The following MNAT1 variants were observed in gnomAD, a reference collection of about 807,000 sequenced individuals.
MNAT1 encodes CDK-activating kinase assembly factor MAT1.
Under a neutral mutation model 42.0 loss-of-function variants are expected in MNAT1, and 43 were observed. That is an observed-to-expected ratio of 1.02 (90% CI 0.80 to 1.32). The LOEUF (loss-of-function observed/expected upper bound fraction) is 1.32. MNAT1 is among the 40% of genes most tolerant of loss of function. The pLI is 0.00. For synonymous variants in MNAT1, 118 were observed against 120.0 expected, an observed-to-expected ratio of 0.98 and a Z score of 0.11; for missense variants, 306 against 350.4, an observed-to-expected ratio of 0.87 and a Z score of 1.01.
At chr14:60,911,395 A>G (rs552955691) in intron 7 of MNAT1, among the ~76,000 whole-genome samples, 2 of 151,918 alleles carry the variant, frequency 1.3e-5, no homozygotes, top group African/African-American at 4.8e-5. Flanking sequence ...TTGCTTCTCT[A>G]GTTCTTTTAA....
At chr14:60,900,048 A>ATCTCTCTCTCTCTCTCTCTCTC (rs61149455) in intron 7 of MNAT1, among the ~76,000 whole-genome samples, 1 of 136,320 alleles carries the variant, frequency 7.3e-6, no homozygotes, top group African/African-American at 2.8e-5. Context: ...CTGTTTCCCC[A>ATCTCTCTCTCTCTCTCTCTCTC]TCTCTCTCTC....
chr14:60,830,378 T>G (rs889907456), intron 6 of MNAT1, among the ~76,000 whole-genome samples: 3 of 152,190 alleles, frequency 2.0e-5, no homozygotes, highest in African/African-American at 7.2e-5. Flanking sequence ...GTGTTAGAGC[T>G]TTTTACTAGT....
At chr14:60,857,189 CAA>C (rs1401997466) in intron 6 of MNAT1, among the ~76,000 whole-genome samples, 2 of 152,192 alleles carry the variant, frequency 1.3e-5, no homozygotes, top group African/African-American at 2.4e-5. Context: ...TCTGATCACT[CAA>C]GAGCTCTGAC....
At chr14:60,862,737 A>G (rs115397484) in intron 6 of MNAT1, among the ~76,000 whole-genome samples, 1 of 152,320 alleles carries the variant, frequency 6.6e-6, no homozygotes, top group Admixed American at 6.5e-5. Flanking sequence ...ATCTTTATCT[A>G]CATATGTTAA....
intron 5 of MNAT1, 117 bp from the exon 6 acceptor site, chr14:60,818,603 ATG>A: frequency 1.2e-6 from 1 of 801,192 alleles, no homozygotes; most frequent in East Asian, 2.8e-5. Flanking sequence ...GTCCTCCATA[ATG>A]TGAATATTTA....
intron 6 of MNAT1, among the ~76,000 whole-genome samples, chr14:60,872,003 G>T (rs2139450800): frequency 1.3e-5 from 2 of 152,206 alleles, no homozygotes; most frequent in East Asian, 3.9e-4. Context: ...CTTCTGGTCT[G>T]CATTTTGTCT....
In MNAT1 at chr14:60,869,344, A is replaced by G. The variant is rs914789382; in HGVS notation, c.688-10370A>G. Among the ~76,000 whole-genome samples, 2 of 151,794 alleles carry G rather than the reference A, an allele frequency of 1.3e-5. 1 individual carries two copies. The highest frequency in any genetic ancestry group is 1.3e-4 in the Admixed American group (2 of 15,214). On this transcript the variant is annotated intron_variant, in intron 6 of 7. Transcript: ENST00000261245. ...GCGTGAGCCACTGCACCTGGCCTAT[A>G]TTGTTATATTTTTATATTATTCGTT...
At chr14:60,742,113 TCTCA>T (rs1329815672) in intron 1 of MNAT1, among the ~76,000 whole-genome samples, 2 of 152,114 alleles carry the variant, frequency 1.3e-5, no homozygotes, top group Non-Finnish European at 2.9e-5. Flanking sequence ...AGAGACAGGA[TCTCA>T]CTCTATCACC....
Position 60,871,268 on chromosome 14 carries a change from T to C in MNAT1, c.688-8446T>C, listed in dbSNP as rs138304112. Among the ~76,000 whole-genome samples, 20 of 152,336 alleles carry C rather than the reference T, an allele frequency of 1.3e-4. No individual in the cohort carries two copies. The East Asian group carries it at 3.7e-3, about 28-fold the overall frequency. On this transcript the variant is annotated intron_variant, in intron 6 of 7. Transcript: ENST00000261245. Reference sequence around the variant, plus strand: ...GAACATTCATGTACAAGTCTTTGTGTGGTCATATGTTTTCATTTCTCCTGG... The same window carrying C: ...GAACATTCATGTACAAGTCTTTGTGCGGTCATATGTTTTCATTTCTCCTGG...
At chr14:60,764,618 T>C (rs1166397237) in intron 1 of MNAT1, among the ~76,000 whole-genome samples, 3 of 152,218 alleles carry the variant, frequency 2.0e-5, no homozygotes, top group Non-Finnish European at 4.4e-5. Context: ...ATTCTGTGGC[T>C]GTGAGGGTAA....
intron 6 of MNAT1, among the ~76,000 whole-genome samples, chr14:60,850,117 G>T (rs1383684404): frequency 6.6e-6 from 1 of 152,152 alleles, no homozygotes. Context: ...AATTATAGGT[G>T]TGGGCCACCT....
At chr14:60,799,532 A>G (rs892267319) in intron 3 of MNAT1, 4 of 400,050 alleles carry the variant, frequency 1.0e-5, no homozygotes, top group Non-Finnish European at 1.4e-5. Context: ...GGGAAAGGAA[A>G]TTATAGGTGT....
intron 6 of MNAT1, among the ~76,000 whole-genome samples, chr14:60,855,334 G>T (rs1198530602): frequency 6.6e-6 from 1 of 152,000 alleles, no homozygotes; most frequent in Non-Finnish European, 1.5e-5. Flanking sequence ...TTCTGTCTTG[G>T]TGGGGTTCCA....
chr14:60,873,329 T>C (rs1432180788), intron 6 of MNAT1, among the ~76,000 whole-genome samples: 2 of 152,182 alleles, frequency 1.3e-5, no homozygotes, highest in Non-Finnish European at 2.9e-5. Context: ...ATAGTAGTTT[T>C]TTTATAGCCA....
At chr14:60,935,974 CA>C (rs1020775796) in intron 7 of MNAT1, among the ~76,000 whole-genome samples, 2 of 152,026 alleles carry the variant, frequency 1.3e-5, no homozygotes, top group Non-Finnish European at 2.9e-5. Context: ...AAAAAAGAAA[CA>C]AAAAACCCAG....
intron 1 of MNAT1, among the ~76,000 whole-genome samples, chr14:60,768,387 AGG>A (rs1450387407): frequency 6.6e-6 from 1 of 152,226 alleles, no homozygotes; most frequent in Non-Finnish European, 1.5e-5. Flanking sequence ...TGACTTTTAA[AGG>A]TCTTGGTTGA....
chr14:60,911,698 A>G (rs1425803716), intron 7 of MNAT1, among the ~76,000 whole-genome samples: 1 of 151,992 alleles, frequency 6.6e-6, no homozygotes, highest in Non-Finnish European at 1.5e-5. Flanking sequence ...GTTTGTTATA[A>G]TTTTTGTTCT....
intron 7 of MNAT1, among the ~76,000 whole-genome samples, chr14:60,911,335 TCTGA>T (rs1392442145): frequency 2.6e-5 from 4 of 152,262 alleles, no homozygotes; most frequent in African/African-American, 9.6e-5. Flanking sequence ...TCAGTTCTGC[TCTGA>T]CTTAGTTATG....
chr14:60,964,311 C>A (rs1287163828), intron 7 of MNAT1, among the ~76,000 whole-genome samples: 1 of 152,150 alleles, frequency 6.6e-6, no homozygotes, highest in Non-Finnish European at 1.5e-5. Context: ...TCTCCAAGGT[C>A]TGTTTGAAAG....
Sources: gnomAD v4.1 joint callset for allele counts (sites outside exome capture counted in the v4.1 genomes callset) on GRCh38, gnomAD v4.1.1 for gene constraint, MANE v1.5 for transcripts, NCBI Gene and HGNC (gene_info 2026-07-23, HGNC 2026-07-21) for gene names.